The following GLDC variants were observed in gnomAD, a reference collection of about 807,000 sequenced individuals.
GLDC encodes glycine decarboxylase.
A neutral mutation model predicts 121.3 loss-of-function variants in GLDC; 104 were observed. That is an observed-to-expected ratio of 0.86 (90% CI 0.73 to 1.01). The LOEUF is 1.01. Among genes scored for constraint, GLDC ranks in the 50% least tolerant of loss-of-function variants. GLDC has a pLI of 0.00. For missense variants in GLDC, 1,429 were observed against 1,306.6 expected (o/e 1.09, Z -1.44); for synonymous variants, 546 against 480.6 (o/e 1.14, Z -1.78).
rs199569891 is a variant in GLDC, at chr9:6,610,174, C to G, written c.635+18G>C. On this transcript the variant is annotated intron_variant, in intron 4 of 24. Coordinates refer to ENST00000321612, the MANE Select transcript of GLDC (RefSeq NM_000170.3). The stretch of plus-strand genomic sequence containing the variant: ...GTGGCCCACAACTGGAATTCCAGCA[C>G]TTTGAGAGGCCTCTCACCTGTAGCA... The G allele has an allele frequency of 2.4e-5, 38 of 1,595,934 alleles. No homozygotes were observed. In the Admixed American group the frequency reaches 4.2e-4, roughly 18 times the overall value.
rs369664085 is a variant in GLDC, at chr9:6,602,098, G to A, written c.1155+11C>T. On this transcript the variant is annotated intron_variant, in intron 8 of 24. Transcript: ENST00000321612. Reference sequence around the variant, plus strand: ...AAGGCATTCAGTAGTCAGGTCAGACGTGTGATTTACCTGAGCTGTACAGAT... The same window carrying A: ...AAGGCATTCAGTAGTCAGGTCAGACATGTGATTTACCTGAGCTGTACAGAT... The A allele has an allele frequency of 3.1e-5, 47 of 1,514,532 alleles. No individual in the cohort carries two copies. In the African/African-American group the frequency reaches 4.4e-4, roughly 14 times the overall value. The allele number at this position is 1,514,532 out of a possible 1,614,324, so 93.8% of individuals were successfully genotyped here.
intron 3 of GLDC, among the ~76,000 whole-genome samples, chr9:6,614,073 T>C (rs1818917614): frequency 6.6e-6 from 1 of 151,862 alleles, no homozygotes; most frequent in Non-Finnish European, 1.5e-5. Context: ...CATGTGTAAT[T>C]ATCACGCCCA....
chr9:6,539,595 C>T lies in GLDC; in HGVS notation c.2665+456G>A, dbSNP rs75172267. 3.1e-3 allele frequency among the ~76,000 whole-genome samples: 476 copies of T among 152,230 alleles called. 2 individuals are homozygous for T. Among genetic ancestry groups the T allele is most frequent in the African/African-American group, 0.011 (455 of 41,518 alleles). On this transcript the variant is annotated intron_variant, in intron 22 of 24. Transcript: ENST00000321612. Reference sequence around the variant, plus strand: ...CCCACTAATGCACAGGTAAAGTGTCCGTGTCTTTCAAAATGCTTCAAAGAA... The same window carrying T: ...CCCACTAATGCACAGGTAAAGTGTCTGTGTCTTTCAAAATGCTTCAAAGAA...
At chr9:6,603,234 T>TA (rs536858065) in intron 7 of GLDC, among the ~76,000 whole-genome samples, 2,360 of 109,952 alleles carry the variant, frequency 0.021, 38 homozygotes, top group African/African-American at 0.055. Context: ...TCTCAAAAAA[T>TA]AAAAAAAAAA....
At position 6,634,573 on chromosome 9, in the gene GLDC, G is replaced by A. The variant is rs1003041716; in HGVS notation, c.334+10041C>T. Among the ~76,000 whole-genome samples the A allele has an allele frequency of 1.7e-4, 25 of 149,912 alleles. No homozygotes were observed. In the East Asian group the frequency reaches 4.3e-3, roughly 26 times the overall value. On this transcript the variant is annotated intron_variant, in intron 2 of 24. Transcript: ENST00000321612. ...CAAACAAAAAACAAAAAAAAAACCC[G>A]CCATGCTTCTCCTGGGCTGCCCGAA...
At position 6,610,328 on chromosome 9, in the gene GLDC, C is replaced by A. The variant is rs191905539; in HGVS notation, c.499G>T (p.Glu167Ter). 1.7e-5 allele frequency: 28 copies of A among 1,614,022 alleles called. No individual in the cohort carries two copies. The Admixed American group carries it at 4.2e-4, about 24-fold the overall frequency. Reference sequence around the variant, plus strand: ...CTCTCCAGCCTCCCCTGAGACACCTCAGGCTGGTATGGAGTATACTGGGTG... The same window carrying A: ...CTCTCCAGCCTCCCCTGAGACACCTAAGGCTGGTATGGAGTATACTGGGTG... ...WITQYTPYQP[E>*]VSQGRLESLL... The change falls in exon 4 of 25, where the codon GAG becomes TAG. Residue 167 changes from glutamate (E) to a stop codon, truncating the protein, a stop_gained. Coordinates refer to ENST00000321612, the MANE Select transcript of GLDC (RefSeq NM_000170.3). LOFTEE classifies it high-confidence loss of function.
chr9:6,634,614 C>T (rs896831514), intron 2 of GLDC, among the ~76,000 whole-genome samples: 16 of 152,126 alleles, frequency 1.1e-4, no homozygotes, highest in African/African-American at 3.6e-4. Context: ...TGACTAAGCT[C>T]TGCCGGAAAA....
intron 21 of GLDC, among the ~76,000 whole-genome samples, chr9:6,545,692 G>A (rs1817372924): frequency 6.6e-6 from 1 of 152,134 alleles, no homozygotes; most frequent in Non-Finnish European, 1.5e-5. Flanking sequence ...CCAGGCTGGA[G>A]TGCAGTGGCG....
At chr9:6,542,621 C>CA (rs1390613102) in intron 21 of GLDC, among the ~76,000 whole-genome samples, 7 of 151,874 alleles carry the variant, frequency 4.6e-5, no homozygotes, top group African/African-American at 1.5e-4. Flanking sequence ...CATGGTAGCT[C>CA]ACACTTGTAA....
intron 5 of GLDC, among the ~76,000 whole-genome samples, chr9:6,606,327 A>AAAG (rs1184453263): frequency 3.5e-5 from 3 of 84,520 alleles, no homozygotes; most frequent in African/African-American, 1.3e-4. Flanking sequence ...AAAAAAAAAA[A>AAAG]AAGAAGAAGA....
intron 3 of GLDC, 124 bp downstream of exon 3, chr9:6,620,060 T>C (rs759071521): frequency 7.7e-5 from 72 of 930,400 alleles, no homozygotes; most frequent in South Asian, 2.0e-4. Context: ...TTCCCGGACA[T>C]TGGAGACAGC....
At chr9:6,643,429 C>G (rs1220600353) in intron 2 of GLDC, among the ~76,000 whole-genome samples, 1 of 150,338 alleles carries the variant, frequency 6.7e-6, no homozygotes, top group East Asian at 1.9e-4. Context: ...ACACTAGATC[C>G]TTTCTATCAT....
intron 15 of GLDC, among the ~76,000 whole-genome samples, chr9:6,570,851 T>C (rs1312921051): frequency 1.0e-5 from 1 of 99,752 alleles, no homozygotes; most frequent in Non-Finnish European, 2.0e-5. Flanking sequence ...CAAAACTCTG[T>C]CTCAAAAAAA....
chr9:6,633,303 G>C, intron 2 of GLDC, among the ~76,000 whole-genome samples: 1 of 151,994 alleles, frequency 6.6e-6, no homozygotes, highest in Non-Finnish European at 1.5e-5. Context: ...CTTATATCCT[G>C]GCTTTTCTTT....
rs182471927 is a variant in GLDC at position 6,610,176 on chromosome 9, T to C, written c.635+16A>G. ...GGCCCACAACTGGAATTCCAGCACT[T>C]TGAGAGGCCTCTCACCTGTAGCACA... On this transcript the variant is annotated intron_variant, in intron 4 of 24. Transcript: ENST00000321612. 1.7e-4 allele frequency: 271 copies of C among 1,597,306 alleles called. 1 individual carries two copies. The East Asian group carries it at 5.2e-3, about 31-fold the overall frequency.
chr9:6,602,408 G>A (rs964313721), intron 7 of GLDC, among the ~76,000 whole-genome samples: 2 of 145,086 alleles, frequency 1.4e-5, no homozygotes, highest in Non-Finnish European at 1.5e-5. Flanking sequence ...ACGGAGTTTC[G>A]CTCTTTCGCC....
chr9:6,583,671 G>T (rs574390937), intron 15 of GLDC, among the ~76,000 whole-genome samples: 110 of 152,218 alleles, frequency 7.2e-4, no homozygotes, highest in African/African-American at 2.6e-3. Context: ...ATGAGACCCT[G>T]TCTGAAAAAA....
intron 2 of GLDC, among the ~76,000 whole-genome samples, chr9:6,621,783 T>A (rs1819101388): frequency 6.6e-6 from 1 of 152,236 alleles, no homozygotes; most frequent in Non-Finnish European, 1.5e-5. Context: ...CCCAAAGTGC[T>A]GGGATTACAG....
intron 21 of GLDC, among the ~76,000 whole-genome samples, chr9:6,545,099 C>CA (rs1408905915): frequency 5.9e-5 from 5 of 84,110 alleles, no homozygotes; most frequent in Non-Finnish European, 1.1e-4. Context: ...AACTCTGTCT[C>CA]AAAAAAAAGA....
Sources: gnomAD v4.1 joint callset for allele counts (sites outside exome capture counted in the v4.1 genomes callset) on GRCh38, gnomAD v4.1.1 for gene constraint, MANE v1.5 for transcripts, NCBI Gene and HGNC (gene_info 2026-07-23, HGNC 2026-07-21) for gene names.